Variants in FBXO40 observed in about 807,000 individuals in gnomAD.
FBXO40 encodes F-box only protein 40.
A neutral mutation model predicts 49.9 loss-of-function variants in FBXO40; 50 were observed. That is an observed-to-expected ratio of 1.00 (90% confidence interval 0.80 to 1.27). The LOEUF is 1.27. Ranked by LOEUF, FBXO40 falls within the 50% of genes most tolerant of loss-of-function variation. The pLI, the probability that FBXO40 is intolerant of heterozygous loss-of-function variation, is 0.00. For synonymous variants in FBXO40, 340 were observed against 320.2 expected, an observed-to-expected ratio of 1.06 and a Z score of -0.66; for missense variants, 895 against 870.1, an observed-to-expected ratio of 1.03 and a Z score of -0.36.
intron 1 of FBXO40, among the ~76,000 whole-genome samples, chr3:121,619,698 A>G (rs1038756527): frequency 2.0e-5 from 3 of 152,196 alleles, no homozygotes; most frequent in Non-Finnish European, 4.4e-5. Flanking sequence ...GATAGGTACT[A>G]TTATTATCCT....
chr3:121,626,956 A>T lies in FBXO40; in HGVS notation c.*46A>T. Reference sequence around the variant, plus strand: ...GCACCCTTCTTGGATTTCTTCTCGGAGTTCCTGAAGTAGGACAGAGTGTGT... The same window carrying T: ...GCACCCTTCTTGGATTTCTTCTCGGTGTTCCTGAAGTAGGACAGAGTGTGT... On this transcript the variant is annotated 3_prime_UTR_variant, in exon 4 of 4. Coordinates refer to ENST00000338040, the MANE Select transcript of FBXO40 (RefSeq NM_016298.4). 6.4e-7 allele frequency: 1 copy of T among 1,574,066 alleles called. No homozygotes were observed. The highest frequency in any genetic ancestry group is 8.7e-7 in the Non-Finnish European group (1 of 1,145,802).
rs372552970 is a variant in FBXO40, at chr3:121,621,931, G to C, written c.502G>C (p.Glu168Gln). The change falls in exon 3 of 4, where the codon GAA becomes CAA. Residue 168 changes from glutamate (E) to glutamine (Q), a missense_variant. Transcript: ENST00000338040. The stretch of plus-strand genomic sequence containing the variant: ...TATGAATGGTGAAACCAGTGTGGAG[G>C]AAATGGGAGGAGCAGTGGGTGGAGT... Reference protein sequence around the residue: ...PTMNGETSVEEMGGAVGGVDI... With the variant: ...PTMNGETSVEQMGGAVGGVDI... The C allele has an allele frequency of 2.5e-6, 4 of 1,614,080 alleles. No homozygotes were observed. Among genetic ancestry groups the C allele is most frequent in the Non-Finnish European group, 3.4e-6 (4 of 1,180,044 alleles).
intron 1 of FBXO40, among the ~76,000 whole-genome samples, chr3:121,606,780 C>A (rs370445135): frequency 6.6e-6 from 1 of 152,106 alleles, no homozygotes; most frequent in Non-Finnish European, 1.5e-5. Context: ...CAAATTTAGC[C>A]GGAGTCCTCT....
At chr3:121,605,292 T>C (rs1373654193) in intron 1 of FBXO40, among the ~76,000 whole-genome samples, 1 of 152,216 alleles carries the variant, frequency 6.6e-6, no homozygotes, top group Non-Finnish European at 1.5e-5. Context: ...ATAAGCTTCA[T>C]GTACAATGTC....
In FBXO40 at chr3:121,628,156, T is replaced by G. The variant is rs1233620177; in HGVS notation, c.*1246T>G. 1 of 379,736 alleles carries G rather than the reference T, an allele frequency of 2.6e-6. No individual in the cohort carries two copies. The highest frequency in any genetic ancestry group is 3.7e-5 in the East Asian group (1 of 26,680). The allele number at this position is 379,736 out of a possible 1,614,324, so 23.5% of individuals were successfully genotyped here. On this transcript the variant is annotated 3_prime_UTR_variant, in exon 4 of 4. Coordinates refer to ENST00000338040, the MANE Select transcript of FBXO40 (RefSeq NM_016298.4). ...TTAGCCTTGGAACTATTGACATTTT[T>G]AAATGGATAATTCTTTTTTTTTTTT...
intron 3 of FBXO40, among the ~76,000 whole-genome samples, chr3:121,625,533 A>G (rs1442005938): frequency 6.6e-6 from 1 of 152,230 alleles, no homozygotes; most frequent in Non-Finnish European, 1.5e-5. Context: ...CTGATTGCCA[A>G]CCAAGCACGT....
chr3:121,626,904 C>G lies in FBXO40; in HGVS notation c.2124C>G (p.Val708=). Residue 708 remains valine (V), a synonymous_variant, in exon 4 of 4, where the codon GTC becomes GTG. Coordinates refer to ENST00000338040, the MANE Select transcript of FBXO40 (RefSeq NM_016298.4). ...TFRIRPRGRY[V]S ...GAATCAGACCACGAGGAAGATACGTCTCCTAAAAATTCAGATGCCACTCGA... is the reference window on the plus strand; with the variant it reads ...GAATCAGACCACGAGGAAGATACGTGTCCTAAAAATTCAGATGCCACTCGA... The G allele has an allele frequency of 6.2e-7, 1 of 1,614,086 alleles. No individual in the cohort carries two copies. Among genetic ancestry groups the G allele is most frequent in the Non-Finnish European group, 8.5e-7 (1 of 1,179,968 alleles).
At chr3:121,619,648 T>C (rs1310510189) in intron 1 of FBXO40, among the ~76,000 whole-genome samples, 2 of 152,204 alleles carry the variant, frequency 1.3e-5, no homozygotes, top group Non-Finnish European at 2.9e-5. Flanking sequence ...AAGAGTTTCA[T>C]GTATATTTAG....
At chr3:121,611,642 G>A (rs573706753) in intron 1 of FBXO40, among the ~76,000 whole-genome samples, 39 of 152,170 alleles carry the variant, frequency 2.6e-4, no homozygotes, top group East Asian at 5.8e-4. Flanking sequence ...CAACTGCAAG[G>A]GGCTTTCCTC....
At chr3:121,616,547 T>A (rs2048998344) in intron 1 of FBXO40, among the ~76,000 whole-genome samples, 1 of 152,252 alleles carries the variant, frequency 6.6e-6, no homozygotes, top group Non-Finnish European at 1.5e-5. Context: ...AATAGCCACA[T>A]GTGGCTTGTG....
intron 1 of FBXO40, among the ~76,000 whole-genome samples, chr3:121,616,328 A>G (rs1294523784): frequency 6.6e-6 from 1 of 152,194 alleles, no homozygotes; most frequent in African/African-American, 2.4e-5. Flanking sequence ...TGTGTTAAGC[A>G]TGTAAATTCC....
intron 1 of FBXO40, among the ~76,000 whole-genome samples, chr3:121,599,334 G>C (rs2108843911): frequency 6.6e-6 from 1 of 152,000 alleles, no homozygotes; most frequent in South Asian, 2.1e-4. Flanking sequence ...TGAGTGTGAT[G>C]GTGCATGCCT....
rs781160734 is a variant in FBXO40 at position 121,623,263 on chromosome 3, C to T, written c.1834C>T (p.Gln612Ter). Residue 612 changes from glutamine to a stop codon, truncating the protein, a stop_gained, in exon 3 of 4, where the codon CAA becomes TAA. Coordinates refer to ENST00000338040, the MANE Select transcript of FBXO40 (RefSeq NM_016298.4). LOFTEE classifies it high-confidence loss of function. ...LMRNICATLL[Q>*]ERGMVLLQWK... ...GAGGAATATCTGTGCCACTTTGTTA[C>T]AAGAGAGAGGAATGGTCCTTTTGCA... The T allele has an allele frequency of 3.1e-5, 50 of 1,614,044 alleles. 1 individual carries two copies. Among genetic ancestry groups the T allele is most frequent in the South Asian group, 2.6e-4 (24 of 91,080 alleles).
At position 121,628,083 on chromosome 3, in the gene FBXO40, A is replaced by C. The variant is rs9810952; in HGVS notation, c.*1173A>C. On this transcript the variant is annotated 3_prime_UTR_variant, in exon 4 of 4. Transcript: ENST00000338040. ...TGAATATTCATAAGAACAAAAGTAA[A>C]AGAAAAAAAGACACAGTAGAAACTG... 0.5 allele frequency: 198,839 copies of C among 396,682 alleles called. 50,605 individuals carry two copies. The highest frequency in any genetic ancestry group is 0.53 in the Non-Finnish European group (119,700 of 225,514). 24.6% of individuals were successfully genotyped at this position (396,682 alleles called of 1,614,324 possible).
intron 3 of FBXO40, among the ~76,000 whole-genome samples, chr3:121,623,829 C>T (rs1162545047): frequency 1.2e-4 from 18 of 151,420 alleles, no homozygotes; most frequent in Admixed American, 1.1e-3. Flanking sequence ...GCTGGGATTA[C>T]AGGCGTGCAC....
chr3:121,608,619 C>T (rs1373610336), intron 1 of FBXO40, among the ~76,000 whole-genome samples: 1 of 152,182 alleles, frequency 6.6e-6, no homozygotes, highest in Non-Finnish European at 1.5e-5. Flanking sequence ...TAATAAACAT[C>T]CTCCCATCAT....
Position 121,627,237 on chromosome 3 carries a change from A to G in FBXO40, c.*327A>G, listed in dbSNP as rs928079992. ...GAAGATGGGCCCAATTTCTTAAGTG[A>G]TGAGAGAGCACGAAATTCCATAACC... On this transcript the variant is annotated 3_prime_UTR_variant, in exon 4 of 4. Coordinates refer to ENST00000338040, the MANE Select transcript of FBXO40 (RefSeq NM_016298.4). 1.5e-5 allele frequency: 5 copies of G among 332,842 alleles called. No individual in the cohort carries two copies. In the Admixed American group the frequency reaches 2.3e-4, roughly 15 times the overall value. 20.6% of individuals were successfully genotyped at this position (332,842 alleles called of 1,614,324 possible). A position where few individuals can be genotyped will look rare whatever the true frequency, so the allele number is the denominator to read the frequency against.
intron 1 of FBXO40, among the ~76,000 whole-genome samples, chr3:121,616,601 C>T (rs1419012243): frequency 3.3e-5 from 5 of 152,164 alleles, no homozygotes; most frequent in Non-Finnish European, 7.3e-5. Context: ...TAGCAAGCAT[C>T]ACAGCTGACT....
At chr3:121,624,068 G>A (rs1421457913) in intron 3 of FBXO40, among the ~76,000 whole-genome samples, 9 of 133,918 alleles carry the variant, frequency 6.7e-5, no homozygotes, top group South Asian at 2.5e-4. Context: ...TCAGCTCACC[G>A]CAACCTCTGC....
Sources: gnomAD v4.1 joint callset for allele counts (sites outside exome capture counted in the v4.1 genomes callset) on GRCh38, gnomAD v4.1.1 for gene constraint, MANE v1.5 for transcripts, NCBI Gene and HGNC (gene_info 2026-07-23, HGNC 2026-07-21) for gene names.